Variants in ATP8A2 observed in about 807,000 individuals in gnomAD.
ATP8A2 encodes ATPase phospholipid transporting 8A2, also known as phospholipid-transporting ATPase IB.
A neutral mutation model predicts 165.6 loss-of-function variants in ATP8A2; 100 were observed. That is an observed-to-expected ratio of 0.60 (90% confidence interval 0.51 to 0.71). ATP8A2 has a LOEUF of 0.71. Among genes scored for constraint, ATP8A2 ranks in the 30% least tolerant of loss-of-function variants. The pLI, the probability that ATP8A2 is intolerant of heterozygous loss-of-function variation, is 0.00. For missense variants in ATP8A2, 1,227 were observed against 1,479.5 expected (o/e 0.83, Z 2.80); for synonymous variants, 543 against 548.8 (o/e 0.99, Z 0.15).
In ATP8A2 at chr13:25,923,041, AG is replaced by A. The variant is rs1394201620; in HGVS notation, c.3184-38533del. 4.6e-5 allele frequency among the ~76,000 whole-genome samples: 7 copies of A among 152,236 alleles called. No homozygotes were observed. In the South Asian group the frequency reaches 1.0e-3, roughly 23 times the overall value. ...GGGAAAGGGACAAGTGGGGTTAAAT[AG>A]AACCAGACCTGGCCACCCTGTTTAC... On this transcript the variant is annotated intron_variant, in intron 33 of 36. Coordinates refer to ENST00000381655, the MANE Select transcript of ATP8A2 (RefSeq NM_016529.6).
intron 27 of ATP8A2, among the ~76,000 whole-genome samples, chr13:25,825,485 T>C (rs190416526): frequency 5.3e-5 from 8 of 152,254 alleles, no homozygotes; most frequent in Admixed American, 1.3e-4. Flanking sequence ...TTGTTTTTTC[T>C]ATTTTTAGTT....
intron 28 of ATP8A2, among the ~76,000 whole-genome samples, chr13:25,831,764 A>G (rs12853240): frequency 7.3e-5 from 11 of 149,956 alleles, no homozygotes; most frequent in Admixed American, 6.0e-4. Context: ...AATTGCTTGA[A>G]CCCGGGAGGC....
In ATP8A2 at chr13:25,559,755, G is replaced by C; in HGVS notation, c.1387G>C (p.Asp463His). The part of the protein sequence containing the change: ...FPELAREPSS[D>H]DFCRMPPPCS... Reference sequence around the variant, plus strand: ...AGAATTGGCAAGAGAGCCGTCTTCAGATGACTTCTGGTAAGTAGATTCTAG... The same window carrying C: ...AGAATTGGCAAGAGAGCCGTCTTCACATGACTTCTGGTAAGTAGATTCTAG... Residue 463 changes from aspartate (D) to histidine (H), a missense_variant, in exon 15 of 37, where the codon GAT (aspartate) becomes CAT (histidine). By Grantham distance (81) the Asp-to-His change is moderately conservative. Coordinates refer to ENST00000381655, the MANE Select transcript of ATP8A2 (RefSeq NM_016529.6). The C allele has an allele frequency of 6.2e-7, 1 of 1,612,842 alleles. No homozygotes were observed. Among genetic ancestry groups the C allele is most frequent in the Non-Finnish European group, 8.5e-7 (1 of 1,178,964 alleles).
At chr13:25,965,873 A>G (rs1482120824) in intron 34 of ATP8A2, among the ~76,000 whole-genome samples, 2 of 152,214 alleles carry the variant, frequency 1.3e-5, no homozygotes, top group African/African-American at 2.4e-5. Context: ...AGCAATTTCT[A>G]TACACAAATG....
intron 14 of ATP8A2, 78 bp downstream of exon 14, chr13:25,559,139 A>G: frequency 2.0e-6 from 2 of 979,052 alleles, no homozygotes; most frequent in Non-Finnish European, 1.6e-6. Flanking sequence ...TACTTAGTCA[A>G]ATATCTTGAC....
intron 24 of ATP8A2, among the ~76,000 whole-genome samples, chr13:25,683,906 T>G (rs1248730756): frequency 6.6e-6 from 1 of 152,162 alleles, no homozygotes; most frequent in Non-Finnish European, 1.5e-5. Flanking sequence ...GGGTCATTTA[T>G]TTGCATGGTA....
At chr13:25,479,937 C>T (rs1485938361) in intron 2 of ATP8A2, among the ~76,000 whole-genome samples, 1 of 152,176 alleles carries the variant, frequency 6.6e-6, no homozygotes, top group African/African-American at 2.4e-5. Context: ...ATCTTTTCCC[C>T]ACCTTTCCCC....
Position 25,700,177 on chromosome 13 carries a change from G to A in ATP8A2, c.2384+832G>A, listed in dbSNP as rs575481915. 2.6e-5 allele frequency among the ~76,000 whole-genome samples: 4 copies of A among 152,266 alleles called. No homozygotes were observed. The South Asian group carries it at 8.3e-4, about 32-fold the overall frequency. On this transcript the variant is annotated intron_variant, in intron 25 of 36. Transcript: ENST00000381655. Reference sequence around the variant, plus strand: ...ACCTGGTGCAGCTGTGGGGGACCTGGTGCAGGGAGCAATGGCCAGAGCACC... The same window carrying A: ...ACCTGGTGCAGCTGTGGGGGACCTGATGCAGGGAGCAATGGCCAGAGCACC...
intron 24 of ATP8A2, among the ~76,000 whole-genome samples, chr13:25,678,452 C>G (rs17082648): frequency 0.035 from 5,360 of 152,154 alleles, 154 homozygotes; most frequent in East Asian, 0.13. Context: ...ACCTAGACCC[C>G]AGATGCCAAG....
At chr13:25,832,796 C>A (rs1291533049) in intron 28 of ATP8A2, among the ~76,000 whole-genome samples, 1 of 152,124 alleles carries the variant, frequency 6.6e-6, no homozygotes, top group Non-Finnish European at 1.5e-5. Context: ...AATCAAGATG[C>A]CTGCCATCAC....
At chr13:25,960,973 G>C (rs975593247) in intron 33 of ATP8A2, among the ~76,000 whole-genome samples, 1 of 152,108 alleles carries the variant, frequency 6.6e-6, no homozygotes, top group Non-Finnish European at 1.5e-5. Flanking sequence ...CTCATACTCT[G>C]TCGTCTTTAA....
At chr13:25,415,935 C>T (rs2034120292) in intron 1 of ATP8A2, among the ~76,000 whole-genome samples, 1 of 152,076 alleles carries the variant, frequency 6.6e-6, no homozygotes, top group Admixed American at 6.6e-5. Context: ...CTCAAGGGAT[C>T]CTTCTGCTTC....
intron 1 of ATP8A2, among the ~76,000 whole-genome samples, chr13:25,467,104 C>T (rs777882610): frequency 1.3e-5 from 2 of 152,148 alleles, no homozygotes; most frequent in East Asian, 1.9e-4. Flanking sequence ...GATGAGTAGA[C>T]GACCAAGCAG....
rs2033249180 is a variant in ATP8A2, at chr13:25,391,591, T to C, written c.76+19303T>C. ...ACATCATTGTTTTACTCTCCATGTG[T>C]GTCCTTGGGGGCAGGAAGCTCACCT... is the stretch of plus-strand genomic sequence containing the variant. On this transcript the variant is annotated intron_variant, in intron 1 of 36. Transcript: ENST00000381655. Among the ~76,000 whole-genome samples the C allele has an allele frequency of 2.6e-5, 4 of 152,356 alleles. No homozygotes were observed. The South Asian group carries it at 8.3e-4, about 32-fold the overall frequency.
chr13:25,531,327 T>TATATATATGTTATATATATG (rs2038071529), intron 4 of ATP8A2, among the ~76,000 whole-genome samples: 1 of 83,318 alleles, frequency 1.2e-5, no homozygotes, highest in African/African-American at 4.6e-5. Flanking sequence ...TTATATATGA[T>TATATATATGTTATATATATG]ATATATATGT....
rs926619958 is a variant in ATP8A2, at chr13:25,888,996, A to AT, written c.3183+26594dup. On this transcript the variant is annotated intron_variant, in intron 33 of 36. Transcript: ENST00000381655. Reference sequence around the variant, plus strand: ...TTCTCTTCGTCACCTAAATATGGCAATTTTTTCCTACAATCTGTCAACGAC... The same window carrying AT: ...TTCTCTTCGTCACCTAAATATGGCAATTTTTTTCCTACAATCTGTCAACGAC... 3.9e-5 allele frequency among the ~76,000 whole-genome samples: 6 copies of AT among 151,912 alleles called. No homozygotes were observed. The East Asian group carries it at 1.2e-3, about 29-fold the overall frequency.
chr13:25,897,298 G>A (rs1373335619), intron 33 of ATP8A2, among the ~76,000 whole-genome samples: 6 of 152,128 alleles, frequency 3.9e-5, no homozygotes, highest in African/African-American at 9.7e-5. Flanking sequence ...ACGAAGCTTA[G>A]TTTGGCTGGA....
chr13:25,589,534 A>G, intron 23 of ATP8A2, 101 bp from the exon 24 acceptor site: 2 of 810,326 alleles, frequency 2.5e-6, no homozygotes, highest in Non-Finnish European at 4.2e-6. Flanking sequence ...CCTCTGTGTG[A>G]GCCAATAGGC....
At chr13:25,507,970 G>A (rs1028459848) in intron 2 of ATP8A2, among the ~76,000 whole-genome samples, 8 of 152,170 alleles carry the variant, frequency 5.3e-5, no homozygotes, top group African/African-American at 1.9e-4. Flanking sequence ...AAGTATATGA[G>A]GAGATGATAT....
Sources: gnomAD v4.1 joint callset for allele counts (sites outside exome capture counted in the v4.1 genomes callset) on GRCh38, gnomAD v4.1.1 for gene constraint, MANE v1.5 for transcripts, NCBI Gene and HGNC (gene_info 2026-07-23, HGNC 2026-07-21) for gene names.